CBLC: variants seen among roughly 807,000 people sequenced by gnomAD.
The protein encoded by CBLC is E3 ubiquitin-protein ligase CBL-C.
In CBLC, 46 loss-of-function variants were observed where a neutral mutation model predicts 58.6. That is an observed-to-expected ratio of 0.79 (90% CI 0.62 to 1.00). CBLC has a LOEUF of 1.00. CBLC is among the 50% of genes least tolerant of loss of function. CBLC has a pLI of 0.00. For missense variants in CBLC, 655 were observed against 625.8 expected, an observed-to-expected ratio of 1.05 and a Z score of -0.50; for synonymous variants, 271 against 264.2, an observed-to-expected ratio of 1.03 and a Z score of -0.25.
chr19:44,790,424 A>G (rs1323309397), intron 6 of CBLC, among the ~76,000 whole-genome samples: 1 of 152,060 alleles, frequency 6.6e-6, no homozygotes, highest in Non-Finnish European at 1.5e-5. Flanking sequence ...TAACAAATAA[A>G]TAATTTATTT....
rs1967836823 is a variant in CBLC, at chr19:44,784,556, G to A, written c.917+155G>A. Reference sequence around the variant, plus strand: ...CAGTACTACAAAATTCCAGCAGGTGGCAGTCAAAGGTCTTGAGGAAGGGGC... The same window carrying A: ...CAGTACTACAAAATTCCAGCAGGTGACAGTCAAAGGTCTTGAGGAAGGGGC... On this transcript the variant is annotated intron_variant, in intron 5 of 10. Coordinates refer to ENST00000647358, the MANE Select transcript of CBLC (RefSeq NM_012116.4). 5 of 722,106 alleles carry A rather than the reference G, an allele frequency of 6.9e-6. No homozygotes were observed. The South Asian group carries it at 8.3e-5, about 12-fold the overall frequency. 44.7% of individuals were successfully genotyped at this position (722,106 alleles called of 1,614,324 possible).
chr19:44,778,074 T>C lies in CBLC; in HGVS notation c.143T>C (p.Leu48Pro). The C allele has an allele frequency of 6.2e-7, 1 of 1,608,264 alleles. No individual in the cohort carries two copies. Among genetic ancestry groups the C allele is most frequent in the Non-Finnish European group, 8.5e-7 (1 of 1,179,560 alleles). Residue 48 changes from leucine (L) to proline (P), a missense_variant, in exon 1 of 11, where the codon CTG (leucine) becomes CCG (proline). Physicochemically the swap from Leu to Pro is moderately conservative, Grantham distance 98. Around this residue, in one of 3 missense-constraint regions of CBLC, gnomAD observed 280 missense variants for 237.2 expected, o/e 1.18. Transcript: ENST00000647358. ...SVSPPSLRDL[L>P]PRTAQLLREV... ...AGTCCCCCTTCGCTGCGGGACCTGC[T>C]GCCCCGCACAGCGCAGCTGCTTCGA...
chr19:44,784,873 G>A (rs146636639), intron 5 of CBLC, among the ~76,000 whole-genome samples: 1,782 of 130,048 alleles, frequency 0.014, 25 homozygotes, highest in Middle Eastern at 0.037. Context: ...GCCAGCTTTT[G>A]TTTCTAGATA....
intron 1 of CBLC, among the ~76,000 whole-genome samples, chr19:44,778,926 C>G (rs1417349508): frequency 6.6e-6 from 1 of 152,056 alleles, no homozygotes; most frequent in Non-Finnish European, 1.5e-5. Context: ...AGGCCCCAGC[C>G]CCTCCTTCCT....
At chr19:44,790,306 A>G (rs1178388830) in intron 6 of CBLC, among the ~76,000 whole-genome samples, 1 of 152,154 alleles carries the variant, frequency 6.6e-6, no homozygotes, top group Admixed American at 6.6e-5. Context: ...TAAGGAACTG[A>G]TGCTGCTGAG....
At chr19:44,784,237 C>A in intron 4 of CBLC, 27 bp from the exon 5 acceptor site, 1 of 1,553,238 alleles carries the variant, frequency 6.4e-7, no homozygotes, top group Non-Finnish European at 8.8e-7. Flanking sequence ...CACTCCCTCA[C>A]CCCATCCTAC....
rs775004600 is a variant in CBLC at position 44,781,001 on chromosome 19, G to A, written c.450G>A (p.Gln150=). Residue 150 remains glutamine (Q), a synonymous_variant, in exon 2 of 11, where the codon CAG becomes CAA. Transcript: ENST00000647358. ...PGGKYCGHMY[Q]LTKAPAHTFW... is the part of the protein sequence containing the mutation. ...GAAAGTACTGTGGACACATGTACCAGCTCACCAAGGCCCCCGCCCACACCT... is the reference window on the plus strand; with the variant it reads ...GAAAGTACTGTGGACACATGTACCAACTCACCAAGGCCCCCGCCCACACCT... The A allele has an allele frequency of 5.0e-6, 8 of 1,613,412 alleles. No homozygotes were observed. The Admixed American group carries it at 1.0e-4, about 20-fold the overall frequency.
chr19:44,785,130 C>T (rs1180576812), intron 5 of CBLC, among the ~76,000 whole-genome samples: 1 of 151,290 alleles, frequency 6.6e-6, no homozygotes, highest in African/African-American at 2.4e-5. Flanking sequence ...CACCACCACA[C>T]CCGGCTAATT....
intron 6 of CBLC, among the ~76,000 whole-genome samples, chr19:44,792,088 G>A (rs1023562475): frequency 6.6e-6 from 1 of 151,770 alleles, no homozygotes; most frequent in African/African-American, 2.4e-5. Flanking sequence ...CCATCTCCCG[G>A]GTTCAAGCGA....
intron 9 of CBLC, among the ~76,000 whole-genome samples, chr19:44,796,738 C>T (rs552798218): frequency 1.6e-4 from 25 of 152,246 alleles, no homozygotes; most frequent in African/African-American, 5.8e-4. Flanking sequence ...TACGCTGCCA[C>T]CCCAGGATTT....
intron 7 of CBLC, 91 bp downstream of exon 7, chr19:44,792,605 T>TG: frequency 7.5e-7 from 1 of 1,335,856 alleles, no homozygotes; most frequent in South Asian, 1.6e-5. Context: ...ATTGATCATA[T>TG]GGGGAAACCG....
intron 6 of CBLC, among the ~76,000 whole-genome samples, chr19:44,792,143 A>G (rs1233076258): frequency 6.6e-6 from 1 of 151,568 alleles, no homozygotes; most frequent in Non-Finnish European, 1.5e-5. Context: ...ACAGGCATGC[A>G]CCACCATGCC....
intron 5 of CBLC, 34 bp from the exon 6 acceptor site, chr19:44,789,970 G>C: frequency 7.3e-7 from 1 of 1,366,882 alleles, no homozygotes; most frequent in Non-Finnish European, 1.0e-6. Context: ...AATACTGGAT[G>C]GCCCCCCAGT....
chr19:44,784,090 A>G (rs185857840), intron 4 of CBLC, among the ~76,000 whole-genome samples, 174 bp from the exon 5 acceptor site: 95 of 152,316 alleles, frequency 6.2e-4, no homozygotes, highest in African/African-American at 2.1e-3. Flanking sequence ...CAAAAACAGC[A>G]TATATCCCCT....
At position 44,782,392 on chromosome 19, in the gene CBLC, A is replaced by G. The variant is rs1418805363; in HGVS notation, c.680A>G (p.Asn227Ser). 2 of 1,613,630 alleles carry G rather than the reference A, an allele frequency of 1.2e-6. No individual in the cohort carries two copies. Among genetic ancestry groups the G allele is most frequent in the Admixed American group, 1.7e-5 (1 of 59,972 alleles). ...CAGCCATGGCCAACACTCCTCAAGA[A>G]CTGGCAGCTCCTGGCAGTCAACCAC... ...LFQPWPTLLKNWQLLAVNHPG... is the reference protein window; with the variant it reads ...LFQPWPTLLKSWQLLAVNHPG... The change falls in exon 4 of 11, where the codon AAC (asparagine) becomes AGC (serine). Residue 227 changes from asparagine (N) to serine (S), a missense_variant. Physicochemically the swap from Asn to Ser is conservative, Grantham distance 46. Around this residue, in one of 3 missense-constraint regions of CBLC, gnomAD observed 371 missense variants for 370.8 expected, o/e 1.00. Coordinates refer to ENST00000647358, the MANE Select transcript of CBLC (RefSeq NM_012116.4).
At chr19:44,798,225 G>A (rs1968218827) in intron 9 of CBLC, among the ~76,000 whole-genome samples, 1 of 151,814 alleles carries the variant, frequency 6.6e-6, no homozygotes, top group African/African-American at 2.4e-5. Context: ...TTGTTTTAAT[G>A]TTTTAATTTA....
At chr19:44,798,127 C>T (rs1282629025) in intron 9 of CBLC, among the ~76,000 whole-genome samples, 8 of 152,146 alleles carry the variant, frequency 5.3e-5, no homozygotes, top group Non-Finnish European at 2.9e-5. Flanking sequence ...CACTGAGGAC[C>T]TCTCTGACCC....
rs758039759 is a variant in CBLC at position 44,794,215 on chromosome 19, G to A, written c.1296G>A (p.Ser432=). 8 of 1,610,714 alleles carry A rather than the reference G, an allele frequency of 5.0e-6. No individual in the cohort carries two copies. Among genetic ancestry groups the A allele is most frequent in the Non-Finnish European group, 6.8e-6 (8 of 1,178,754 alleles). ...RELELGQVPL[S]APPLPPRPDL... ...CTGTCCCACCCCAGGTGCCCCTTTCGGCTCCTCCATTGCCCCCACGGCCAG... is the reference window on the plus strand; with the variant it reads ...CTGTCCCACCCCAGGTGCCCCTTTCAGCTCCTCCATTGCCCCCACGGCCAG... Residue 432 remains serine, a synonymous_variant, in exon 9 of 11, where the codon TCG becomes TCA. Coordinates refer to ENST00000647358, the MANE Select transcript of CBLC (RefSeq NM_012116.4).
At chr19:44,783,168 C>T (rs1439306458) in intron 4 of CBLC, among the ~76,000 whole-genome samples, 2 of 152,014 alleles carry the variant, frequency 1.3e-5, no homozygotes, top group Non-Finnish European at 2.9e-5. Context: ...GTCAGGAGTT[C>T]GAGACCAGCC....
Sources: allele counts gnomAD v4.1 joint callset (sites outside exome capture counted in the v4.1 genomes callset), GRCh38; gene constraint gnomAD v4.1.1; regional missense constraint gnomAD v4.1.1; transcripts MANE v1.5; gene names NCBI Gene and HGNC (gene_info 2026-07-23, HGNC 2026-07-21).